The following DLG2 variants were observed in gnomAD, a reference collection of about 807,000 sequenced individuals.
The protein encoded by DLG2 is disks large homolog 2.
DLG2 carries 45 observed loss-of-function variants against 132.5 expected under a neutral mutation model. That is an observed-to-expected ratio of 0.34 (90% CI 0.27 to 0.44). DLG2 has a LOEUF of 0.44. DLG2 is among the 20% of genes least tolerant of loss of function. The probability of loss-of-function intolerance (pLI) is 1.00; values close to 1 mark genes in which losing one functional copy is unlikely to be tolerated. For synonymous variants in DLG2, 424 were observed against 419.6 expected, an observed-to-expected ratio of 1.01 and a Z score of -0.13; for missense variants, 1,045 against 1,196.9, an observed-to-expected ratio of 0.87 and a Z score of 1.87.
At chr11:85,337,712 G>A (rs1380506313) in intron 3 of DLG2, among the ~76,000 whole-genome samples, 1 of 151,984 alleles carries the variant, frequency 6.6e-6, no homozygotes, top group Non-Finnish European at 1.5e-5. Context: ...CCTTCCTGGT[G>A]CTCTACACTG....
chr11:85,190,157 C>CA (rs201341910), intron 4 of DLG2, among the ~76,000 whole-genome samples: 3,029 of 152,226 alleles, frequency 0.02, 59 homozygotes, highest in Admixed American at 0.038. Context: ...GAAAATTTCA[C>CA]AAAAAGAATT....
At chr11:84,124,152 C>T (rs542185027) in intron 9 of DLG2, among the ~76,000 whole-genome samples, 26 of 152,294 alleles carry the variant, frequency 1.7e-4, no homozygotes, top group African/African-American at 5.3e-4. Context: ...ATTCAGGTGG[C>T]GTGTTCAGGT....
intron 6 of DLG2, among the ~76,000 whole-genome samples, chr11:84,744,898 T>TAAAAAAAAAAAAAAAAAAA (rs758776805): frequency 1.4e-5 from 1 of 71,822 alleles, no homozygotes; most frequent in Non-Finnish European, 2.9e-5. Context: ...AGTAAAGGTC[T>TAAAAAAAAAAAAAAAAAAA]AAAAAAAAAA....
intron 6 of DLG2, among the ~76,000 whole-genome samples, chr11:84,768,461 C>G (rs2068751847): frequency 6.6e-6 from 1 of 152,036 alleles, no homozygotes; most frequent in Non-Finnish European, 1.5e-5. Flanking sequence ...TTTAAAATAG[C>G]CTATTTGATA....
At chr11:83,966,152 G>A (rs555317169) in intron 12 of DLG2, among the ~76,000 whole-genome samples, 1 of 151,986 alleles carries the variant, frequency 6.6e-6, no homozygotes, top group South Asian at 2.1e-4. Context: ...GAAACTGCTG[G>A]ACCAAACTAT....
chr11:84,400,603 A>C (rs2098826041), intron 7 of DLG2, among the ~76,000 whole-genome samples: 1 of 152,194 alleles, frequency 6.6e-6, no homozygotes, highest in South Asian at 2.1e-4. Context: ...CAAACGCTTA[A>C]ATATCACAAT....
intron 7 of DLG2, among the ~76,000 whole-genome samples, chr11:84,276,669 T>C (rs1006231055): frequency 2.6e-5 from 4 of 152,214 alleles, no homozygotes; most frequent in Non-Finnish European, 4.4e-5. Context: ...ACGCAGTCAC[T>C]AGGCTACATG....
rs1398124268 is a variant in DLG2 at position 84,534,601 on chromosome 11, T to A, written c.488A>T (p.Tyr163Phe). The stretch of plus-strand genomic sequence containing the variant: ...AGGAGAAATATGAGACTGCAAGACA[T>A]ATCCATGGACATTTTCTATTTGAGA... ...NLSQIENVHG[Y>F]VLQSHISPLK... The change falls in exon 7 of 28, where the codon TAT (tyrosine) becomes TTT (phenylalanine). Residue 163 changes from tyrosine (Y) to phenylalanine (F), a missense_variant. By Grantham distance (22) the Tyr-to-Phe change is conservative. This residue lies in a region of DLG2 where 277 missense variants were observed against 238.2 expected (regional missense o/e 1.16). Coordinates refer to ENST00000376104, the MANE Select transcript of DLG2 (RefSeq NM_001142699.3). The A allele has an allele frequency of 6.2e-6, 10 of 1,613,866 alleles. No individual in the cohort carries two copies. The highest frequency in any genetic ancestry group is 1.3e-5 in the African/African-American group (1 of 74,858).
intron 8 of DLG2, among the ~76,000 whole-genome samples, chr11:84,218,295 A>AAGAAAGAGAGAG (rs1555430085): frequency 1.4e-5 from 2 of 140,350 alleles, no homozygotes; most frequent in African/African-American, 5.5e-5. Context: ...GAAAGAGAGA[A>AAGAAAGAGAGAG]AGAGAAAGAA....
At chr11:84,788,123 A>AAG (rs1555222165) in intron 6 of DLG2, among the ~76,000 whole-genome samples, 6 of 149,986 alleles carry the variant, frequency 4.0e-5, no homozygotes, top group Non-Finnish European at 7.4e-5. Context: ...AAAAAAAAAA[A>AAG]AAGAAGAAGA....
chr11:84,984,661 T>C (rs1489047452), intron 6 of DLG2, among the ~76,000 whole-genome samples: 1 of 151,158 alleles, frequency 6.6e-6, no homozygotes, highest in African/African-American at 2.4e-5. Flanking sequence ...TAACATTGAA[T>C]GTAAATGGCC....
At chr11:84,408,706 C>T (rs907065644) in intron 7 of DLG2, among the ~76,000 whole-genome samples, 34 of 152,244 alleles carry the variant, frequency 2.2e-4, no homozygotes, top group African/African-American at 7.7e-4. Context: ...CACAGGTAGC[C>T]CTGACCTAAT....
At chr11:83,489,630 A>ATATT (rs1199132706) in intron 21 of DLG2, among the ~76,000 whole-genome samples, 1 of 152,000 alleles carries the variant, frequency 6.6e-6, no homozygotes, top group Non-Finnish European at 1.5e-5. Flanking sequence ...CCATATTGCA[A>ATATT]TATTAAGAGC....
intron 6 of DLG2, among the ~76,000 whole-genome samples, chr11:84,960,232 A>G (rs1187291125): frequency 6.6e-6 from 1 of 152,142 alleles, no homozygotes; most frequent in Non-Finnish European, 1.5e-5. Context: ...CATAAAGGTG[A>G]AAAGTCTTCC....
At chr11:84,683,999 A>G (rs1290755999) in intron 6 of DLG2, among the ~76,000 whole-genome samples, 2 of 152,218 alleles carry the variant, frequency 1.3e-5, no homozygotes, top group African/African-American at 4.8e-5. Context: ...CATCTGATTT[A>G]GCTTGCATGA....
intron 9 of DLG2, among the ~76,000 whole-genome samples, chr11:84,116,514 A>G (rs1166978995): frequency 6.6e-6 from 1 of 152,176 alleles, no homozygotes; most frequent in African/African-American, 2.4e-5. Flanking sequence ...GAGCCTGTGC[A>G]GGGGAACTGC....
chr11:84,403,835 T>C (rs2098839188), intron 7 of DLG2, among the ~76,000 whole-genome samples: 1 of 152,200 alleles, frequency 6.6e-6, no homozygotes, highest in Non-Finnish European at 1.5e-5. Flanking sequence ...TGGTCTTCTG[T>C]TGAAAATAAC....
intron 6 of DLG2, among the ~76,000 whole-genome samples, chr11:84,890,400 C>A (rs555647815): frequency 3.3e-5 from 5 of 152,228 alleles, no homozygotes; most frequent in East Asian, 1.9e-4. Context: ...TTTGGGAACA[C>A]TGATTAGTCA....
Position 85,053,796 on chromosome 11 carries a change from C to CAA in DLG2, c.357+57863_357+57864dup, listed in dbSNP as rs34604489. Among the ~76,000 whole-genome samples the CAA allele has an allele frequency of 5.4e-3, 245 of 45,356 alleles. 1 individual carries two copies. The highest frequency in any genetic ancestry group is 5.9e-3 in the Non-Finnish European group (147 of 24,940). The allele number at this position is 45,356 out of a possible 152,430, so 29.8% of individuals were successfully genotyped here. A position where few individuals can be genotyped will look rare whatever the true frequency, so the allele number is the denominator to read the frequency against. ...TGGGCGACAGAGCAAGACTCTGTCT[C>CAA]AAAAAAAAAAAAAAAAAAAAAAAAT... On this transcript the variant is annotated intron_variant, in intron 6 of 27. Coordinates refer to ENST00000376104, the MANE Select transcript of DLG2 (RefSeq NM_001142699.3).
Sources: gnomAD v4.1 joint callset for allele counts (sites outside exome capture counted in the v4.1 genomes callset) on GRCh38, gnomAD v4.1.1 for gene constraint, gnomAD v4.1.1 regional missense constraint, MANE v1.5 for transcripts, NCBI Gene and HGNC (gene_info 2026-07-23, HGNC 2026-07-21) for gene names.